Variants in RBMS3 observed in about 807,000 individuals in gnomAD.
RBMS3 encodes RNA binding motif single stranded interacting protein 3.
A neutral mutation model predicts 66.8 loss-of-function variants in RBMS3; 27 were observed. The ratio of observed to expected loss-of-function variants is 0.40; its 90% CI spans 0.30 to 0.56. The LOEUF is 0.56. Ranked by LOEUF, RBMS3 falls within the 20% of genes least tolerant of loss-of-function variation. The pLI is 0.40. For synonymous variants in RBMS3, 188 were observed against 183.0 expected, an observed-to-expected ratio of 1.03 and a Z score of -0.22; for missense variants, 513 against 549.5, an observed-to-expected ratio of 0.93 and a Z score of 0.66.
intron 6 of RBMS3, among the ~76,000 whole-genome samples, chr3:29,791,766 T>C (rs1341570896): frequency 6.6e-6 from 1 of 152,198 alleles, no homozygotes; most frequent in African/African-American, 2.4e-5. Context: ...AGTTTGTGTA[T>C]ATCTCAGTAG....
chr3:29,918,069 A>G (rs2060683576), intron 10 of RBMS3, among the ~76,000 whole-genome samples: 1 of 152,160 alleles, frequency 6.6e-6, no homozygotes, highest in South Asian at 2.1e-4. Context: ...GTCATCACTA[A>G]TATCACACAA....
At chr3:29,483,331 A>G (rs1214521234) in intron 2 of RBMS3, among the ~76,000 whole-genome samples, 1 of 151,824 alleles carries the variant, frequency 6.6e-6, no homozygotes, top group Non-Finnish European at 1.5e-5. Context: ...AAAAAGAAAA[A>G]AGAAAAAGAA....
rs766015351 is a variant in RBMS3, at chr3:29,662,917, C to T, written c.399+75712C>T. Among the ~76,000 whole-genome samples, 68 of 152,260 alleles carry T rather than the reference C, an allele frequency of 4.5e-4. No individual in the cohort carries two copies. In the Middle Eastern group the frequency reaches 0.02, roughly 46 times the overall value. On this transcript the variant is annotated intron_variant, in intron 4 of 14. Coordinates refer to ENST00000383767, the MANE Select transcript of RBMS3 (RefSeq NM_001003793.3). ...AGTATCTTTAGCTGTGAATATACATCTAAGACAGTTTTAATAAATATGTGG... is the reference window on the plus strand; with the variant it reads ...AGTATCTTTAGCTGTGAATATACATTTAAGACAGTTTTAATAAATATGTGG...
intron 6 of RBMS3, among the ~76,000 whole-genome samples, chr3:29,839,731 T>C (rs924695384): frequency 6.6e-6 from 1 of 151,814 alleles, no homozygotes; most frequent in African/African-American, 2.4e-5. Flanking sequence ...AAAATGATAA[T>C]AGTCATTGGT....
rs192377207 is a variant in RBMS3, at chr3:29,332,519, G to A, written c.75+50763G>A. 2.6e-5 allele frequency among the ~76,000 whole-genome samples: 4 copies of A among 152,230 alleles called. 1 individual carries two copies. In the South Asian group the frequency reaches 6.2e-4, roughly 24 times the overall value. ...TGAATATAATGTGGAATTACCCTGG[G>A]CACCAAAGACAGCTTGCCTGGGCAT... is the stretch of plus-strand genomic sequence containing the variant. On this transcript the variant is annotated intron_variant, in intron 1 of 14. Coordinates refer to ENST00000383767, the MANE Select transcript of RBMS3 (RefSeq NM_001003793.3).
chr3:29,824,902 T>G (rs933144359), intron 6 of RBMS3, among the ~76,000 whole-genome samples: 3 of 145,774 alleles, frequency 2.1e-5, no homozygotes, highest in Admixed American at 2.0e-4. Context: ...ATACAGAGCA[T>G]TTTTTTATCA....
At chr3:29,424,995 T>A (rs1347964078) in intron 1 of RBMS3, among the ~76,000 whole-genome samples, 3 of 151,928 alleles carry the variant, frequency 2.0e-5, no homozygotes, top group Non-Finnish European at 4.4e-5. Context: ...TTTATGTAGC[T>A]CTTTAAGCTA....
chr3:29,808,963 G>T (rs747727991), intron 6 of RBMS3, among the ~76,000 whole-genome samples: 10 of 151,868 alleles, frequency 6.6e-5, no homozygotes, highest in Non-Finnish European at 1.2e-4. Context: ...AAAACAGTCA[G>T]TGAGGAAACA....
intron 6 of RBMS3, among the ~76,000 whole-genome samples, chr3:29,841,096 TTTGA>T (rs1288713059): frequency 2.6e-5 from 4 of 151,924 alleles, no homozygotes; most frequent in African/African-American, 9.7e-5. Flanking sequence ...TACTAATGAG[TTTGA>T]TCATTTTTCA....
intron 1 of RBMS3, among the ~76,000 whole-genome samples, chr3:29,342,070 T>G (rs1255267560): frequency 6.6e-6 from 1 of 152,168 alleles, no homozygotes; most frequent in African/African-American, 2.4e-5. Context: ...TAGAGAAGTC[T>G]GAAAGTAAGA....
At chr3:29,497,109 A>G (rs2043781865) in intron 3 of RBMS3, among the ~76,000 whole-genome samples, 1 of 151,978 alleles carries the variant, frequency 6.6e-6, no homozygotes, top group South Asian at 2.1e-4. Context: ...TCCCGGGTTC[A>G]AGTGATTCTC....
chr3:29,855,717 G>T (rs1006469004), intron 6 of RBMS3, among the ~76,000 whole-genome samples: 3 of 152,094 alleles, frequency 2.0e-5, no homozygotes, highest in Admixed American at 2.0e-4. Flanking sequence ...ATCCAATGTC[G>T]GACTGAATTA....
intron 4 of RBMS3, among the ~76,000 whole-genome samples, chr3:29,706,396 A>G (rs1490819434): frequency 1.3e-5 from 2 of 152,174 alleles, no homozygotes; most frequent in African/African-American, 4.8e-5. Flanking sequence ...CATGATGTCA[A>G]TCCAAAGTGA....
intron 12 of RBMS3, among the ~76,000 whole-genome samples, chr3:29,950,883 G>T (rs1474239717): frequency 1.3e-5 from 2 of 151,802 alleles, no homozygotes; most frequent in Admixed American, 1.3e-4. Context: ...TGAGTTCAGT[G>T]TCTCAGCAAG....
At chr3:29,614,712 A>G (rs1456697309) in intron 4 of RBMS3, 6 of 152,172 alleles carry the variant, frequency 3.9e-5, no homozygotes, top group Non-Finnish European at 8.8e-5. Flanking sequence ...CTAGCTTGTT[A>G]AAGAGATAAA....
At chr3:29,865,052 G>GGCAT (rs1362827447) in intron 6 of RBMS3, among the ~76,000 whole-genome samples, 1 of 128,762 alleles carries the variant, frequency 7.8e-6, no homozygotes, top group African/African-American at 2.8e-5. Flanking sequence ...AAGGAGGGAA[G>GGCAT]GAAGGAAGGA....
intron 6 of RBMS3, among the ~76,000 whole-genome samples, chr3:29,854,389 G>A (rs774852434): frequency 2.0e-5 from 3 of 152,182 alleles, no homozygotes; most frequent in Admixed American, 6.5e-5. Context: ...AAAGGAAAGG[G>A]GTTCTTCCTC....
At chr3:29,966,079 T>C (rs1176796056) in intron 12 of RBMS3, among the ~76,000 whole-genome samples, 10 of 152,210 alleles carry the variant, frequency 6.6e-5, no homozygotes, top group Middle Eastern at 3.2e-3. Flanking sequence ...TTCTGTTCCA[T>C]TGGTCTATGT....
At chr3:29,495,627 C>T (rs1218004283) in intron 3 of RBMS3, among the ~76,000 whole-genome samples, 3 of 151,572 alleles carry the variant, frequency 2.0e-5, no homozygotes, top group Non-Finnish European at 4.4e-5. Flanking sequence ...ACCATGTGGG[C>T]CAGGCTGGTT....
Sources: allele counts gnomAD v4.1 joint callset (sites outside exome capture counted in the v4.1 genomes callset), GRCh38; gene constraint gnomAD v4.1.1; transcripts MANE v1.5; gene names NCBI Gene and HGNC (gene_info 2026-07-23, HGNC 2026-07-21).